The following URB2 variants were observed in gnomAD, a reference collection of about 807,000 sequenced individuals.
URB2 encodes unhealthy ribosome biogenesis protein 2 homolog.
Under a neutral mutation model 120.9 loss-of-function variants are expected in URB2, and 86 were observed. The ratio of observed to expected loss-of-function variants is 0.71; its 90% CI spans 0.60 to 0.85. The LOEUF is 0.85. URB2 is among the 40% of genes least tolerant of loss of function. URB2 has a pLI of 0.00. For missense variants in URB2, 1,765 were observed against 1,836.5 expected (o/e 0.96, Z 0.71); for synonymous variants, 755 against 758.4 (o/e 1.00, Z 0.07).
At chr1:229,628,104 T>C (rs1407070825) in intron 2 of URB2, among the ~76,000 whole-genome samples, 3 of 141,272 alleles carry the variant, frequency 2.1e-5, no homozygotes, top group African/African-American at 7.9e-5. Flanking sequence ...ATATATATTA[T>C]ATATGTATAT....
chr1:229,641,820 G>C (rs151069629), intron 4 of URB2, among the ~76,000 whole-genome samples: 2 of 152,236 alleles, frequency 1.3e-5, no homozygotes, highest in African/African-American at 4.8e-5. Context: ...CCAGGAGTTT[G>C]AGACCAACCT....
chr1:229,628,109 G>GTATA (rs1263361799), intron 2 of URB2, among the ~76,000 whole-genome samples: 1 of 128,432 alleles, frequency 7.8e-6, no homozygotes, highest in Non-Finnish European at 1.6e-5. Context: ...TATTATATAT[G>GTATA]TATATATATG....
At chr1:229,651,376 G>T (rs998582759) in intron 8 of URB2, 54 bp downstream of exon 8, 14 of 1,499,520 alleles carry the variant, frequency 9.3e-6, no homozygotes, top group Non-Finnish European at 1.3e-5. Flanking sequence ...ATGAGGTGTG[G>T]CTGCTGGCCA....
rs201480017 is a variant in URB2, at chr1:229,636,754, G to A, written c.2141G>A (p.Ser714Asn). The A allele has an allele frequency of 1.1e-5, 17 of 1,612,518 alleles. No individual in the cohort carries two copies. The Admixed American group carries it at 2.7e-4, about 25-fold the overall frequency. ...TTTATTATTGGTTCCGGCAGAAAAA[G>A]CTTGAATCAGAGAACGACGGCTTCC... ...AAFIIGSGRK[S>N]LNQRTTASWD... is the part of the protein sequence containing the mutation. Residue 714 changes from serine to asparagine, a missense_variant, in exon 4 of 10, where the codon AGC (serine) becomes AAC (asparagine). By Grantham distance (46) the Ser-to-Asn change is conservative. Transcript: ENST00000258243.
rs774346129 is a variant in URB2, at chr1:229,637,975, G to C, written c.3362G>C (p.Ser1121Thr). ...CCCTCGGTCCTCATCTCATCCGTCAGCACGCTCTTGGAAGCCGACCTGGGT... is the reference window on the plus strand; with the variant it reads ...CCCTCGGTCCTCATCTCATCCGTCACCACGCTCTTGGAAGCCGACCTGGGT... ...RLPSVLISSV[S>T]TLLEADLGQH... The change falls in exon 4 of 10, where the codon AGC (serine) becomes ACC (threonine). Residue 1121 changes from serine (S) to threonine (T), a missense_variant. By Grantham distance (58) the Ser-to-Thr change is moderately conservative. Coordinates refer to ENST00000258243, the MANE Select transcript of URB2 (RefSeq NM_014777.4). 65 of 1,613,598 alleles carry C rather than the reference G, an allele frequency of 4.0e-5. No individual in the cohort carries two copies. The highest frequency in any genetic ancestry group is 5.2e-5 in the Non-Finnish European group (61 of 1,179,820).
intron 4 of URB2, among the ~76,000 whole-genome samples, chr1:229,643,234 G>A (rs1666055746): frequency 6.6e-6 from 1 of 152,154 alleles, no homozygotes; most frequent in Non-Finnish European, 1.5e-5. Flanking sequence ...ATTGTTCAAG[G>A]GTCAACCGCA....
At chr1:229,648,930 G>A (rs1410108012) in intron 7 of URB2, among the ~76,000 whole-genome samples, 1 of 152,168 alleles carries the variant, frequency 6.6e-6, no homozygotes, top group Non-Finnish European at 1.5e-5. Flanking sequence ...TAGGCTATGG[G>A]GTATAGCCTG....
chr1:229,653,941 T>TG (rs961635272), intron 8 of URB2, among the ~76,000 whole-genome samples: 7 of 149,702 alleles, frequency 4.7e-5, no homozygotes, highest in Admixed American at 4.7e-4. Context: ...TTGGTGTTTT[T>TG]TTTTTTTTTT....
chr1:229,638,292 G>GT (rs1024996118), intron 4 of URB2, 45 bp downstream of exon 4: 62 of 1,523,386 alleles, frequency 4.1e-5, no homozygotes, highest in Non-Finnish European at 5.4e-5. Flanking sequence ...TAGAGGTCTG[G>GT]TTTCCACTGC....
rs746019226 is a variant in URB2, at chr1:229,636,548, T to G, written c.1935T>G (p.Pro645=). 7.4e-6 allele frequency: 12 copies of G among 1,614,062 alleles called. No homozygotes were observed. The African/African-American group carries it at 1.1e-4, about 14-fold the overall frequency. The stretch of plus-strand genomic sequence containing the variant: ...TTGCTCTGGAGATCTCGAACCTCCC[T>G]TCGTTGCTCCCAGGTGTAAAAACAC... ...IGVALEISNL[P]SLLPGVKTQH... The change falls in exon 4 of 10, where the codon CCT becomes CCG. Residue 645 remains proline (P), a synonymous_variant. Coordinates refer to ENST00000258243, the MANE Select transcript of URB2 (RefSeq NM_014777.4).
chr1:229,650,465 C>G (rs1294722409), intron 7 of URB2, among the ~76,000 whole-genome samples: 1 of 151,914 alleles, frequency 6.6e-6, no homozygotes, highest in Non-Finnish European at 1.5e-5. Context: ...GAGTCTCGCT[C>G]TGTCACTCAG....
At chr1:229,642,315 A>C (rs888986414) in intron 4 of URB2, among the ~76,000 whole-genome samples, 2 of 151,952 alleles carry the variant, frequency 1.3e-5, no homozygotes, top group Non-Finnish European at 2.9e-5. Flanking sequence ...CAGCCACAGG[A>C]GTTGGTGCTG....
At chr1:229,641,570 T>TG (rs1359784923) in intron 4 of URB2, among the ~76,000 whole-genome samples, 1 of 152,090 alleles carries the variant, frequency 6.6e-6, no homozygotes, top group Non-Finnish European at 1.5e-5. Flanking sequence ...CCCAAGGCTT[T>TG]GGGCAGGGAG....
Position 229,635,842 on chromosome 1 carries a change from G to T in URB2, c.1229G>T (p.Arg410Leu). ...CAAGCACCCATACCGGCCTGGTTCCGCTGTCTGAAGACTTTGATATCTCTG... is the reference window on the plus strand; with the variant it reads ...CAAGCACCCATACCGGCCTGGTTCCTCTGTCTGAAGACTTTGATATCTCTG... ...HAQAPIPAWF[R>L]CLKTLISLNH... The change falls in exon 4 of 10, where the codon CGC becomes CTC. Residue 410 changes from arginine to leucine, a missense_variant. Arg to Leu is a moderately radical substitution (Grantham distance 102, BLOSUM62 -2). Coordinates refer to ENST00000258243, the MANE Select transcript of URB2 (RefSeq NM_014777.4). 1 of 1,614,078 alleles carries T rather than the reference G, an allele frequency of 6.2e-7. No homozygotes were observed. Among genetic ancestry groups the T allele is most frequent in the Non-Finnish European group, 8.5e-7 (1 of 1,179,956 alleles).
At chr1:229,644,482 G>C (rs530864776) in intron 5 of URB2, among the ~76,000 whole-genome samples, 1 of 152,220 alleles carries the variant, frequency 6.6e-6, no homozygotes, top group Non-Finnish European at 1.5e-5. Flanking sequence ...GAATGCAGGG[G>C]ACTTGATTGG....
At chr1:229,626,572 G>T (rs1077954) in intron 1 of URB2, among the ~76,000 whole-genome samples, 1 of 152,220 alleles carries the variant, frequency 6.6e-6, no homozygotes. Context: ...CTGGCTCCTA[G>T]CTGCTCTCCC....
chr1:229,638,331 A>G (rs1665910489), intron 4 of URB2, 84 bp downstream of exon 4: 2 of 1,431,190 alleles, frequency 1.4e-6, no homozygotes, highest in African/African-American at 1.4e-5. Context: ...GAATAAGTGA[A>G]CACGTGATGT....
chr1:229,640,157 C>G (rs948955434), intron 4 of URB2, among the ~76,000 whole-genome samples: 1 of 152,078 alleles, frequency 6.6e-6, no homozygotes, highest in African/African-American at 2.4e-5. Flanking sequence ...GTGATTGTTG[C>G]TATTTTCTTA....
chr1:229,657,928 C>T (rs1666443269), intron 9 of URB2, among the ~76,000 whole-genome samples: 1 of 152,198 alleles, frequency 6.6e-6, no homozygotes, highest in Non-Finnish European at 1.5e-5. Flanking sequence ...GACACATTAA[C>T]CCTTTCAGGT....
Sources: gnomAD v4.1 joint callset for allele counts (sites outside exome capture counted in the v4.1 genomes callset) on GRCh38, gnomAD v4.1.1 for gene constraint, MANE v1.5 for transcripts, NCBI Gene and HGNC (gene_info 2026-07-23, HGNC 2026-07-21) for gene names.